Variants in SLC25A13 observed in about 807,000 individuals in gnomAD.
The protein encoded by SLC25A13 is solute carrier family 25 member 13, also known as electrogenic aspartate/glutamate antiporter SLC25A13, mitochondrial.
Under a neutral mutation model 85.5 loss-of-function variants are expected in SLC25A13, and 70 were observed. The ratio of observed to expected loss-of-function variants is 0.82; its 90% CI spans 0.68 to 1.00. The LOEUF (loss-of-function observed/expected upper bound fraction) is 1.00. Ranked by LOEUF, SLC25A13 falls within the 50% of genes least tolerant of loss-of-function variation. SLC25A13 has a pLI of 0.00. For synonymous variants in SLC25A13, 259 were observed against 288.7 expected, an observed-to-expected ratio of 0.90 and a Z score of 1.04; for missense variants, 765 against 819.8, an observed-to-expected ratio of 0.93 and a Z score of 0.82.
At chr7:96,280,983 G>A (rs1037689260) in intron 2 of SLC25A13, among the ~76,000 whole-genome samples, 8 of 152,046 alleles carry the variant, frequency 5.3e-5, no homozygotes, top group South Asian at 2.1e-4. Flanking sequence ...TGCCCACAGC[G>A]GCATTATTTG....
intron 2 of SLC25A13, among the ~76,000 whole-genome samples, chr7:96,282,159 T>A (rs1425560508): frequency 2.0e-5 from 3 of 152,204 alleles, no homozygotes; most frequent in Non-Finnish European, 2.9e-5. Flanking sequence ...GGGAAGAGTT[T>A]TAGGATTCCT....
chr7:96,252,067 GC>G (rs1797450535), intron 3 of SLC25A13, among the ~76,000 whole-genome samples: 1 of 152,152 alleles, frequency 6.6e-6, no homozygotes, highest in Non-Finnish European at 1.5e-5. Flanking sequence ...CAAAAACAGA[GC>G]TTGTCTTAGA....
At position 96,276,440 on chromosome 7, in the gene SLC25A13, G is replaced by A. The variant is rs561438655; in HGVS notation, c.212+756C>T. ...AGTTTGAGACCAGCCTGGGCAATACGGCAAAATCCCGTCTCTACAAAAAAA... is the reference window on the plus strand; with the variant it reads ...AGTTTGAGACCAGCCTGGGCAATACAGCAAAATCCCGTCTCTACAAAAAAA... On this transcript the variant is annotated intron_variant, in intron 3 of 17. Coordinates refer to ENST00000265631, the MANE Select transcript of SLC25A13 (RefSeq NM_014251.3). Among the ~76,000 whole-genome samples, 109 of 152,208 alleles carry A rather than the reference G, an allele frequency of 7.2e-4. 1 individual carries two copies. The highest frequency in any genetic ancestry group is 1.1e-3 in the Non-Finnish European group (74 of 68,006).
chr7:96,287,418 T>A (rs1432787701), intron 2 of SLC25A13, among the ~76,000 whole-genome samples: 2 of 152,050 alleles, frequency 1.3e-5, no homozygotes, highest in Admixed American at 6.5e-5. Context: ...AGAGAGTACT[T>A]CCCCATTTAT....
intron 4 of SLC25A13, among the ~76,000 whole-genome samples, chr7:96,221,600 C>T (rs1796133662): frequency 6.6e-6 from 1 of 152,204 alleles, no homozygotes; most frequent in Non-Finnish European, 1.5e-5. Context: ...TTCCAGCAAG[C>T]TTAAAAATGA....
chr7:96,267,879 C>T (rs10261143), intron 3 of SLC25A13, among the ~76,000 whole-genome samples: 2,043 of 151,980 alleles, frequency 0.013, 54 homozygotes, highest in African/African-American at 0.047. Context: ...GCTGACAAGG[C>T]GGTATGGTGA....
At chr7:96,222,007 G>A (rs750601834) in intron 4 of SLC25A13, among the ~76,000 whole-genome samples, 5 of 152,160 alleles carry the variant, frequency 3.3e-5, no homozygotes, top group Admixed American at 6.6e-5. Flanking sequence ...AGAAAAGTTG[G>A]TGCAAATATA....
At chr7:96,130,897 C>T (rs1475703550) in intron 15 of SLC25A13, among the ~76,000 whole-genome samples, 1 of 152,110 alleles carries the variant, frequency 6.6e-6, no homozygotes, top group Non-Finnish European at 1.5e-5. Context: ...AGGCTGCAGC[C>T]AGGGTAGGTG....
intron 4 of SLC25A13, among the ~76,000 whole-genome samples, chr7:96,209,577 A>G (rs1006784307): frequency 2.0e-5 from 3 of 152,298 alleles, no homozygotes; most frequent in South Asian, 4.1e-4. Flanking sequence ...CAGCAGCCCA[A>G]GTCTTTGATT....
chr7:96,215,315 T>G (rs1220078842), intron 4 of SLC25A13, among the ~76,000 whole-genome samples: 1 of 152,148 alleles, frequency 6.6e-6, no homozygotes, highest in African/African-American at 2.4e-5. Context: ...CAGGCTGGTC[T>G]CGAACTCCTG....
intron 5 of SLC25A13, 38 bp downstream of exon 5, chr7:96,208,800 C>T (rs201531703): frequency 6.2e-6 from 10 of 1,612,366 alleles, no homozygotes; most frequent in South Asian, 2.2e-5. Context: ...CCACCGTGCC[C>T]GGCCATACCC....
At chr7:96,270,324 G>A (rs1290656100) in intron 3 of SLC25A13, among the ~76,000 whole-genome samples, 2 of 152,202 alleles carry the variant, frequency 1.3e-5, no homozygotes, top group South Asian at 4.1e-4. Flanking sequence ...GGGAGGCCAA[G>A]GCAGGTGGGC....
chr7:96,136,106 G>GA (rs532035974), intron 14 of SLC25A13, among the ~76,000 whole-genome samples: 3 of 152,112 alleles, frequency 2.0e-5, no homozygotes, highest in South Asian at 4.2e-4. Flanking sequence ...TATAAACTGG[G>GA]AAAAAACCCT....
intron 14 of SLC25A13, among the ~76,000 whole-genome samples, chr7:96,140,768 T>G (rs1454136923): frequency 6.6e-6 from 1 of 151,472 alleles, no homozygotes; most frequent in African/African-American, 2.4e-5. Flanking sequence ...TTTTTTTTTT[T>G]GCTAATAGCT....
rs562025923 is a variant in SLC25A13, at chr7:96,177,601, C to G, written c.1178-6077G>C. On this transcript the variant is annotated intron_variant, in intron 11 of 17. Coordinates refer to ENST00000265631, the MANE Select transcript of SLC25A13 (RefSeq NM_014251.3). ...GGGAATAATCATGATGCCATTTTCA[C>G]GGGGTAGTCGTGAAGATGAAATGAG... is the stretch of plus-strand genomic sequence containing the variant. 4.6e-5 allele frequency among the ~76,000 whole-genome samples: 7 copies of G among 152,278 alleles called. No homozygotes were observed. The East Asian group carries it at 1.4e-3, about 29-fold the overall frequency.
chr7:96,223,125 C>A (rs1186482042), intron 4 of SLC25A13, among the ~76,000 whole-genome samples: 1 of 151,630 alleles, frequency 6.6e-6, no homozygotes, highest in Non-Finnish European at 1.5e-5. Context: ...ATATTACAAA[C>A]AACCATAGCC....
chr7:96,315,285 C>A (rs1031747596), intron 1 of SLC25A13, among the ~76,000 whole-genome samples: 18 of 152,192 alleles, frequency 1.2e-4, no homozygotes, highest in Non-Finnish European at 5.9e-5. Flanking sequence ...GCCAGCAGGT[C>A]TCTTGAAGCA....
At chr7:96,227,057 T>A (rs1011718215) in intron 4 of SLC25A13, among the ~76,000 whole-genome samples, 1 of 152,212 alleles carries the variant, frequency 6.6e-6, no homozygotes, top group Non-Finnish European at 1.5e-5. Context: ...TATGAACTTT[T>A]AAGAAGGTAA....
chr7:96,122,133 G>T, intron 15 of SLC25A13, 136 bp from the exon 16 acceptor site: 1 of 1,131,680 alleles, frequency 8.8e-7, no homozygotes, highest in Non-Finnish European at 1.3e-6. Context: ...TGTCCTCTAT[G>T]GGAAATGCAA....
Sources: gnomAD v4.1 joint callset for allele counts (sites outside exome capture counted in the v4.1 genomes callset) on GRCh38, gnomAD v4.1.1 for gene constraint, MANE v1.5 for transcripts, NCBI Gene and HGNC (gene_info 2026-07-23, HGNC 2026-07-21) for gene names.